The following LRRC37A2 variants were observed in gnomAD, a reference collection of about 807,000 sequenced individuals.
LRRC37A2 encodes leucine-rich repeat-containing protein 37A2.
A neutral mutation model predicts 68.8 loss-of-function variants in LRRC37A2; 9 were observed. The ratio of observed to expected loss-of-function variants is 0.13; its 90% confidence interval spans 0.08 to 0.23. The LOEUF (loss-of-function observed/expected upper bound fraction) is 0.23. LRRC37A2 is among the 10% of genes least tolerant of loss of function. LRRC37A2 has a pLI of 1.00. For missense variants in LRRC37A2, 168 were observed against 950.4 expected (o/e 0.18, Z 10.82); for synonymous variants, 63 against 367.6 (o/e 0.17, Z 9.48).
chr17:46,753,898 A>G, the LRRC37A2 span, among the ~76,000 whole-genome samples: 4 of 152,246 alleles, frequency 2.6e-5, no homozygotes, highest in South Asian at 8.3e-4. Context: ...GTTTTGCAGA[A>G]TATAAGTCGT....
At chr17:46,777,690 CACA>C in the LRRC37A2 span, among the ~76,000 whole-genome samples, 2 of 152,336 alleles carry the variant, frequency 1.3e-5, no homozygotes, top group Non-Finnish European at 2.9e-5. Context: ...ACTGAATCCT[CACA>C]ACAACTCTGG....
chr17:46,911,102 G>A, the LRRC37A2 span, among the ~76,000 whole-genome samples: 7 of 152,180 alleles, frequency 4.6e-5, no homozygotes, highest in Admixed American at 2.6e-4. Flanking sequence ...ACTCAAAATG[G>A]AAAGCCCTTT....
At chr17:46,769,822 G>A in the LRRC37A2 span, 3 of 1,612,852 alleles carry the variant, frequency 1.9e-6, no homozygotes, top group Non-Finnish European at 2.5e-6. Flanking sequence ...TCATGGCCGA[G>A]CGCGCGTCCG....
the LRRC37A2 span, among the ~76,000 whole-genome samples, chr17:46,404,897 A>G: frequency 9.8e-5 from 10 of 101,716 alleles, 1 homozygote; most frequent in Admixed American, 1.0e-3. Context: ...TAAATAAATA[A>G]ATAAATAAAT....
the LRRC37A2 span, among the ~76,000 whole-genome samples, chr17:46,823,117 TATATTATA>T: frequency 1.3e-4 from 17 of 135,246 alleles, no homozygotes; most frequent in African/African-American, 4.8e-4. Context: ...ACATATATTA[TATATTATA>T]TATTATATAT....
the LRRC37A2 span, among the ~76,000 whole-genome samples, chr17:46,449,081 ACT>A: frequency 8.2e-5 from 5 of 60,988 alleles, no homozygotes; most frequent in African/African-American, 1.6e-4. Context: ...GGCAGAATTG[ACT>A]CTGATAGTAG....
At chr17:46,766,415 A>AT in the LRRC37A2 span, among the ~76,000 whole-genome samples, 247 of 152,152 alleles carry the variant, frequency 1.6e-3, 1 homozygote, top group African/African-American at 5.7e-3. Context: ...TCAAAAAAAA[A>AT]AAAAAAGTTC....
chr17:46,802,289 G>A, the LRRC37A2 span, among the ~76,000 whole-genome samples: 3 of 151,958 alleles, frequency 2.0e-5, no homozygotes, highest in East Asian at 1.9e-4. Flanking sequence ...TTATTTTGAC[G>A]GAGTTTGACT....
chr17:46,598,757 T>C, the LRRC37A2 span, among the ~76,000 whole-genome samples: 1 of 152,042 alleles, frequency 6.6e-6, no homozygotes, highest in Non-Finnish European at 1.5e-5. Context: ...AATGACATCA[T>C]TACCAAACAA....
At chr17:46,636,081 C>A in the LRRC37A2 span, among the ~76,000 whole-genome samples, 3 of 42,624 alleles carry the variant, frequency 7.0e-5, no homozygotes, top group East Asian at 9.4e-4. Flanking sequence ...GGAAATGCTT[C>A]TTTGTAATTA....
the LRRC37A2 span, among the ~76,000 whole-genome samples, chr17:46,920,625 C>G: frequency 7.6e-3 from 1,158 of 152,208 alleles, 12 homozygotes; most frequent in African/African-American, 0.027. Context: ...GAGAAGTGTC[C>G]AAACCCAGTC....
the LRRC37A2 span, among the ~76,000 whole-genome samples, chr17:47,028,803 T>G: frequency 6.6e-6 from 1 of 151,302 alleles, no homozygotes; most frequent in African/African-American, 2.4e-5. Context: ...CCTGGAGGAC[T>G]TTGTGTTAAG....
At chr17:46,598,503 A>G in the LRRC37A2 span, among the ~76,000 whole-genome samples, 4 of 152,362 alleles carry the variant, frequency 2.6e-5, no homozygotes, top group Non-Finnish European at 5.9e-5. Flanking sequence ...CTTTCTTCAT[A>G]AGTCCTTAAA....
the LRRC37A2 span, among the ~76,000 whole-genome samples, chr17:46,901,610 G>A: frequency 6.6e-6 from 1 of 152,168 alleles, no homozygotes; most frequent in East Asian, 1.9e-4. Context: ...TGTATTCAGT[G>A]TAGTAGGTGG....
At chr17:47,021,517 C>A in the LRRC37A2 span, 4 of 345,140 alleles carry the variant, frequency 1.2e-5, no homozygotes, top group East Asian at 1.0e-4. Flanking sequence ...GAATTATTTA[C>A]CATTTTGGTA....
chr17:46,954,161 G>A, the LRRC37A2 span, among the ~76,000 whole-genome samples: 1 of 152,114 alleles, frequency 6.6e-6, no homozygotes, highest in Non-Finnish European at 1.5e-5. Context: ...GGGTTTTTAT[G>A]GTTTTAGGTC....
chr17:46,598,642 A>C, the LRRC37A2 span, among the ~76,000 whole-genome samples: 1 of 152,108 alleles, frequency 6.6e-6, no homozygotes, highest in Non-Finnish European at 1.5e-5. Context: ...TGTCGAATCT[A>C]GTGTTTTGAC....
the LRRC37A2 span, among the ~76,000 whole-genome samples, chr17:46,497,682 C>CAG: frequency 8.0e-5 from 12 of 149,490 alleles, no homozygotes; most frequent in Non-Finnish European, 1.6e-4. Context: ...ATTATATCTA[C>CAG]ATGCATACAT....
the LRRC37A2 span, among the ~76,000 whole-genome samples, chr17:46,821,750 C>T: frequency 1.3e-5 from 2 of 152,174 alleles, no homozygotes; most frequent in Non-Finnish European, 2.9e-5. Context: ...AAGGGGACCC[C>T]AGTCCCAACC....
Sources: allele counts gnomAD v4.1 joint callset (sites outside exome capture counted in the v4.1 genomes callset), GRCh38; gene constraint gnomAD v4.1.1; transcripts MANE v1.5; gene names NCBI Gene and HGNC (gene_info 2026-07-23, HGNC 2026-07-21).